The following MED12L variants were observed in gnomAD, a reference collection of about 807,000 sequenced individuals.
MED12L encodes the protein mediator of RNA polymerase II transcription subunit 12-like protein.
Under a neutral mutation model 281.3 loss-of-function variants are expected in MED12L, and 60 were observed. The observed-to-expected ratio is 0.21, with a 90% CI of 0.17 to 0.26. MED12L has a LOEUF of 0.26. MED12L is among the 10% of genes least tolerant of loss of function. The pLI is 1.00. For missense variants in MED12L, 2,146 were observed against 2,680.9 expected (o/e 0.80, Z 4.41); for synonymous variants, 974 against 987.2 (o/e 0.99, Z 0.25).
At chr3:151,413,592 C>T (rs988351106) in intron 42 of MED12L, among the ~76,000 whole-genome samples, 3 of 152,126 alleles carry the variant, frequency 2.0e-5, no homozygotes, top group African/African-American at 7.2e-5. Context: ...TCAGCTTACC[C>T]AGTCTCTGTT....
intron 43 of MED12L, among the ~76,000 whole-genome samples, chr3:151,420,302 G>C (rs1718091782): frequency 6.6e-6 from 1 of 152,204 alleles, no homozygotes; most frequent in Admixed American, 6.5e-5. Context: ...TTCTTAGCCT[G>C]TTGGCTTAAA....
intron 11 of MED12L, among the ~76,000 whole-genome samples, chr3:151,177,727 A>G (rs962931533): frequency 2.6e-5 from 4 of 152,022 alleles, no homozygotes; most frequent in Non-Finnish European, 2.9e-5. Flanking sequence ...TCCTGGCCTC[A>G]AGCCATTGTT....
Position 151,433,972 on chromosome 3 carries a change from C to T in MED12L, c.*1168C>T, listed in dbSNP as rs1383613660. On this transcript the variant is annotated 3_prime_UTR_variant, in exon 45 of 45. Transcript: ENST00000687756. ...TGTTCAAGTATGTGGTAATTTGCTC[C>T]TATTAGAGTAAAAAAGAAACCAGTA... 1 of 152,372 alleles carries T rather than the reference C, an allele frequency of 6.6e-6. No individual in the cohort carries two copies. Among genetic ancestry groups the T allele is most frequent in the African/African-American group, 2.4e-5 (1 of 41,358 alleles). The allele number at this position is 152,372 out of a possible 1,614,324, so 9.4% of individuals were successfully genotyped here.
intron 16 of MED12L, chr3:151,269,666 G>T: frequency 2.5e-6 from 1 of 406,250 alleles, no homozygotes; most frequent in East Asian, 6.3e-5. Flanking sequence ...AGAATTTGGA[G>T]GTATTAAATC....
chr3:151,358,478 C>T lies in MED12L; in HGVS notation c.2825+1102C>T, dbSNP rs187970680. ...CTTTCGAACTGGAAGCTTATTCATG[C>T]TGTTTAATCTATGTTCTACTTTTAA... is the stretch of plus-strand genomic sequence containing the variant. On this transcript the variant is annotated intron_variant, in intron 20 of 44. Transcript: ENST00000687756. Among the ~76,000 whole-genome samples, 14 of 152,212 alleles carry T rather than the reference C, an allele frequency of 9.2e-5. No individual in the cohort carries two copies. The East Asian group carries it at 2.7e-3, about 29-fold the overall frequency.
chr3:151,380,191 C>G lies in MED12L; in HGVS notation c.4557C>G (p.Gly1519=), dbSNP rs1210921859. The change falls in exon 32 of 45, where the codon GGC becomes GGG. Residue 1519 remains glycine, a synonymous_variant. Transcript: ENST00000687756. The part of the protein sequence containing the change: ...CLKGQDEQRE[G]LLTSLQNQVN... ...AGGGACAAGATGAACAAAGGGAAGG[C>G]CTCCTAACATCTCTCCAGAATCAAG... 2 of 1,609,458 alleles carry G rather than the reference C, an allele frequency of 1.2e-6. No homozygotes were observed. Among genetic ancestry groups the G allele is most frequent in the Non-Finnish European group, 1.7e-6 (2 of 1,178,088 alleles).
At chr3:151,280,466 G>T (rs1245257023) in intron 16 of MED12L, among the ~76,000 whole-genome samples, 2 of 152,182 alleles carry the variant, frequency 1.3e-5, no homozygotes, top group Admixed American at 6.5e-5. Context: ...ACATCAGGTT[G>T]CTGGAGCTGG....
intron 5 of MED12L, among the ~76,000 whole-genome samples, chr3:151,149,953 C>T (rs529816742): frequency 1.3e-5 from 2 of 152,328 alleles, no homozygotes; most frequent in East Asian, 3.9e-4. Context: ...GCTGTTTCCA[C>T]ATCTGTTGCT....
intron 16 of MED12L, chr3:151,199,494 T>C (rs1297087712): frequency 9.4e-6 from 9 of 957,238 alleles, no homozygotes; most frequent in Admixed American, 2.5e-5. Context: ...AACTATTTTC[T>C]TTAAAAGACA....
chr3:151,363,853 T>G (rs1021662398), intron 21 of MED12L, among the ~76,000 whole-genome samples: 4 of 152,158 alleles, frequency 2.6e-5, no homozygotes, highest in African/African-American at 9.7e-5. Context: ...GAGCTGAAAC[T>G]ACATTTTGGT....
chr3:151,209,949 G>T (rs1303903797), intron 16 of MED12L, among the ~76,000 whole-genome samples: 1 of 152,166 alleles, frequency 6.6e-6, no homozygotes, highest in Non-Finnish European at 1.5e-5. Context: ...ATTGGCTGTG[G>T]GTATGTTTTT....
At chr3:151,238,968 C>T (rs1365650898) in intron 16 of MED12L, among the ~76,000 whole-genome samples, 1 of 152,162 alleles carries the variant, frequency 6.6e-6, no homozygotes, top group African/African-American at 2.4e-5. Context: ...TTTCTCAAAA[C>T]TGAATGAACT....
At chr3:151,212,925 GAGAA>G (rs1314600076) in intron 16 of MED12L, 2 of 154,188 alleles carry the variant, frequency 1.3e-5, no homozygotes, top group Non-Finnish European at 2.9e-5. Flanking sequence ...CTGGTATTTA[GAGAA>G]AGAAGATGCC....
rs1723873039 is a variant in MED12L at position 151,190,810 on chromosome 3, C to T, written c.1847C>T (p.Ala616Val). 2 of 1,614,048 alleles carry T rather than the reference C, an allele frequency of 1.2e-6. No individual in the cohort carries two copies. The highest frequency in any genetic ancestry group is 2.2e-5 in the South Asian group (2 of 91,084). The change falls in exon 14 of 45, where the codon GCA becomes GTA. Residue 616 changes from alanine (A) to valine (V), a missense_variant. Coordinates refer to ENST00000687756, the MANE Select transcript of MED12L (RefSeq NM_001393769.1). ...CGCCATGATGTCTTCTCCCATGACGCATACATGTGTACCCTCATATCTCGA... is the reference window on the plus strand; with the variant it reads ...CGCCATGATGTCTTCTCCCATGACGTATACATGTGTACCCTCATATCTCGA... ...FIRHDVFSHDAYMCTLISRGD... is the reference protein window; with the variant it reads ...FIRHDVFSHDVYMCTLISRGD...
intron 16 of MED12L, among the ~76,000 whole-genome samples, chr3:151,271,017 C>CA (rs56917310): frequency 0.016 from 2,257 of 143,984 alleles, 20 homozygotes; most frequent in Non-Finnish European, 0.019. Flanking sequence ...ACCCAAAAAC[C>CA]AAAAAAAAAA....
At position 151,433,007 on chromosome 3, in the gene MED12L, A is replaced by C. The variant is rs1465481460; in HGVS notation, c.*203A>C. 5.6e-6 allele frequency: 3 copies of C among 531,096 alleles called. No individual in the cohort carries two copies. Among genetic ancestry groups the C allele is most frequent in the Non-Finnish European group, 1.0e-5 (3 of 299,224 alleles). The allele number at this position is 531,096 out of a possible 1,614,324, so 32.9% of individuals were successfully genotyped here. On this transcript the variant is annotated 3_prime_UTR_variant, in exon 45 of 45. Transcript: ENST00000687756. The stretch of plus-strand genomic sequence containing the variant: ...GTTGTGGTTTGATTTTGTTGAATTC[A>C]CCTTTAAAGTAGGTTTACAAATGTG...
chr3:151,231,381 A>G (rs999912114), intron 16 of MED12L, among the ~76,000 whole-genome samples: 8 of 152,218 alleles, frequency 5.3e-5, no homozygotes, highest in African/African-American at 1.9e-4. Context: ...AATAAAAAGT[A>G]TACCTCTGAA....
In MED12L at chr3:151,159,984, G is replaced by T; in HGVS notation, c.990G>T (p.Gly330=). 1 of 1,614,178 alleles carries T rather than the reference G, an allele frequency of 6.2e-7. No homozygotes were observed. Among genetic ancestry groups the T allele is most frequent in the South Asian group, 1.1e-5 (1 of 91,080 alleles). Residue 330 remains glycine (G), a synonymous_variant, in exon 8 of 45, where the codon GGG becomes GGT. Coordinates refer to ENST00000687756, the MANE Select transcript of MED12L (RefSeq NM_001393769.1). ...TAGGACCAAACAACTCGAGTATCGG[G>T]GCCCCCAGCCCTGGCCCCCCCGGCC... The part of the protein sequence containing the change: ...MMIGPNNSSI[G]APSPGPPGPG...
chr3:151,198,771 G>T, intron 16 of MED12L: 1 of 1,613,382 alleles, frequency 6.2e-7, no homozygotes, highest in Non-Finnish European at 8.5e-7. Context: ...TTTCTGTAGA[G>T]CTGTCGAATT....
Sources: gnomAD v4.1 joint callset for allele counts (sites outside exome capture counted in the v4.1 genomes callset) on GRCh38, gnomAD v4.1.1 for gene constraint, MANE v1.5 for transcripts, NCBI Gene and HGNC (gene_info 2026-07-23, HGNC 2026-07-21) for gene names.